SLIT1: variants seen among roughly 807,000 people sequenced by gnomAD.
The protein encoded by SLIT1 is slit homolog 1 protein.
SLIT1 carries 66 observed loss-of-function variants against 186.1 expected under a neutral mutation model. The ratio of observed to expected loss-of-function variants is 0.35; its 90% CI spans 0.29 to 0.44. SLIT1 has a LOEUF of 0.44. Ranked by LOEUF, SLIT1 falls within the 20% of genes least tolerant of loss-of-function variation. The probability of loss-of-function intolerance (pLI) is 1.00; values close to 1 mark genes in which losing one functional copy is unlikely to be tolerated. For missense variants in SLIT1, 1,638 were observed against 2,037.4 expected (o/e 0.80, Z 3.77); for synonymous variants, 761 against 833.8 (o/e 0.91, Z 1.50).
intron 4 of SLIT1, among the ~76,000 whole-genome samples, chr10:97,141,433 T>C (rs2134703482): frequency 6.6e-6 from 1 of 152,320 alleles, no homozygotes; most frequent in African/African-American, 2.4e-5. Context: ...GGTTTCCAGA[T>C]GGCTCCCAGT....
At chr10:97,096,735 C>T (rs1849295159) in intron 4 of SLIT1, among the ~76,000 whole-genome samples, 1 of 152,080 alleles carries the variant, frequency 6.6e-6, no homozygotes, top group Non-Finnish European at 1.5e-5. Flanking sequence ...CCAGAAAAAC[C>T]CAGGGGCCAG....
intron 23 of SLIT1, among the ~76,000 whole-genome samples, chr10:97,034,096 C>T (rs1589369168): frequency 6.6e-6 from 1 of 152,086 alleles, no homozygotes; most frequent in East Asian, 1.9e-4. Context: ...AATTCCTGAC[C>T]TCAAGTGATT....
chr10:97,086,081 T>C lies in SLIT1; in HGVS notation c.414-19995A>G, dbSNP rs116540881. On this transcript the variant is annotated intron_variant, in intron 4 of 36. Coordinates refer to ENST00000266058, the MANE Select transcript of SLIT1 (RefSeq NM_003061.3). ...CAACACTAAGCATACTCTCACCATA[T>C]GATCCAGTGATCATGCTCCTTGGCG... is the stretch of plus-strand genomic sequence containing the variant. Among the ~76,000 whole-genome samples, 412 of 152,378 alleles carry C rather than the reference T, an allele frequency of 2.7e-3. 3 individuals carry two copies. The highest frequency in any genetic ancestry group is 9.4e-3 in the African/African-American group (391 of 41,588).
In SLIT1 at chr10:97,064,829, C is replaced by T. The variant is rs754904853; in HGVS notation, c.533G>A (p.Arg178His). The T allele has an allele frequency of 1.1e-5, 17 of 1,612,076 alleles. No homozygotes were observed. The highest frequency in any genetic ancestry group is 6.7e-5 in the East Asian group (3 of 44,676). The change falls in exon 6 of 37, where the codon CGT becomes CAT. Residue 178 changes from arginine (R) to histidine (H), a missense_variant. Arg to His is a conservative substitution (Grantham distance 29). Coordinates refer to ENST00000266058, the MANE Select transcript of SLIT1 (RefSeq NM_003061.3). ...QISCIEEGAF[R>H]ALRGLEVLTL... ...CAGCACCTCCAGCCCCCGCAGAGCA[C>T]GGAAGGCCCCTTCCTCAATGCAGCT...
At chr10:97,134,586 G>A (rs563167721) in intron 4 of SLIT1, among the ~76,000 whole-genome samples, 5 of 152,220 alleles carry the variant, frequency 3.3e-5, no homozygotes, top group East Asian at 1.9e-4. Flanking sequence ...TGCTGTGAGC[G>A]CCTCTTCATA....
At chr10:97,106,399 T>TGAATGAAC (rs1413022643) in intron 4 of SLIT1, among the ~76,000 whole-genome samples, 3 of 129,856 alleles carry the variant, frequency 2.3e-5, no homozygotes, top group Non-Finnish European at 5.0e-5. Flanking sequence ...AATGAATGAA[T>TGAATGAAC]GAATGAACGA....
chr10:97,064,043 C>G, intron 7 of SLIT1, 125 bp downstream of exon 7: 1 of 800,388 alleles, frequency 1.2e-6, no homozygotes, highest in Non-Finnish European at 2.1e-6. Flanking sequence ...CTGGGCTGGC[C>G]TCTGGGGGTC....
Position 97,002,330 on chromosome 10 carries a change from G to A in SLIT1, c.4194C>T (p.Ser1398=). ...ACCCATCCTGGCACTGGCAGCTGTA[G>A]GAAAGAGCGTCGAGGGGCACGCATT... The part of the protein sequence containing the change: ...HGQCVPLDAL[S]YSCQCQDGYS... The change falls in exon 36 of 37, where the codon TCC becomes TCT. Residue 1398 remains serine, a synonymous_variant. Coordinates refer to ENST00000266058, the MANE Select transcript of SLIT1 (RefSeq NM_003061.3). The A allele has an allele frequency of 6.2e-7, 1 of 1,611,216 alleles. No individual in the cohort carries two copies.
chr10:97,076,001 C>A (rs1414904612), intron 4 of SLIT1, among the ~76,000 whole-genome samples: 4 of 152,140 alleles, frequency 2.6e-5, no homozygotes, highest in Non-Finnish European at 5.9e-5. Context: ...GAGGGAAGAG[C>A]AGCTACCAAC....
chr10:97,049,266 GGGGTGAACCCCCAGGGTGCAGCCCA>G (rs1848766556), intron 13 of SLIT1, 148 bp from the exon 14 acceptor site: 1 of 915,508 alleles, frequency 1.1e-6, no homozygotes, highest in Admixed American at 2.7e-5. Context: ...AAGAGAGAGT[GGGGTGAACCCCCAGGGTGCAGCCCA>G]CCACCTCTGG....
At chr10:97,179,893 A>G (rs1003240689) in intron 1 of SLIT1, among the ~76,000 whole-genome samples, 7 of 151,344 alleles carry the variant, frequency 4.6e-5, no homozygotes, top group African/African-American at 1.7e-4. Flanking sequence ...GGCGATAATT[A>G]CAGGATTTGG....
At chr10:97,025,802 G>T (rs187096942) in intron 25 of SLIT1, among the ~76,000 whole-genome samples, 1 of 152,188 alleles carries the variant, frequency 6.6e-6, no homozygotes, top group African/African-American at 2.4e-5. Flanking sequence ...TCCTATTTGC[G>T]TAACCTGGAC....
chr10:97,033,887 CAG>C (rs1197378528), intron 23 of SLIT1, among the ~76,000 whole-genome samples: 2 of 131,428 alleles, frequency 1.5e-5, no homozygotes, highest in African/African-American at 6.0e-5. Context: ...TTTTCTGAGA[CAG>C]AGTCTCGCTC....
intron 1 of SLIT1, among the ~76,000 whole-genome samples, chr10:97,183,220 C>G (rs946969967): frequency 1.3e-5 from 2 of 152,184 alleles, no homozygotes; most frequent in East Asian, 3.9e-4. Context: ...TGAGAGCTCA[C>G]CATTAGAGGT....
chr10:97,058,590 C>G (rs1015691493), intron 11 of SLIT1, among the ~76,000 whole-genome samples: 5 of 152,188 alleles, frequency 3.3e-5, no homozygotes, highest in African/African-American at 1.2e-4. Flanking sequence ...ATTGGCCCCA[C>G]CCTCTACTTG....
At chr10:97,115,949 G>T (rs568829689) in intron 4 of SLIT1, among the ~76,000 whole-genome samples, 1 of 152,318 alleles carries the variant, frequency 6.6e-6, no homozygotes, top group South Asian at 2.1e-4. Context: ...TCCTTGATGG[G>T]CAGAGTATGA....
chr10:97,074,727 G>A (rs777078492), intron 4 of SLIT1, among the ~76,000 whole-genome samples: 10 of 152,022 alleles, frequency 6.6e-5, no homozygotes, highest in South Asian at 2.1e-4. Context: ...TCGGCCGCCC[G>A]CCCCTGAAGA....
intron 4 of SLIT1, among the ~76,000 whole-genome samples, chr10:97,141,483 A>G (rs921810658): frequency 6.6e-6 from 1 of 152,092 alleles, no homozygotes. Context: ...AGACCTCCAC[A>G]CAAGCACACG....
rs1416239645 is a variant in SLIT1 at position 97,004,988 on chromosome 10, C to T, written c.3580-165G>A. 1.3e-5 allele frequency among the ~76,000 whole-genome samples: 2 copies of T among 152,164 alleles called. No homozygotes were observed. Among genetic ancestry groups the T allele is most frequent in the Non-Finnish European group, 2.9e-5 (2 of 68,026 alleles). On this transcript the variant is annotated intron_variant, in intron 32 of 36. Transcript: ENST00000266058. This position sits in a 1 kb window ranked among gnomAD's most constrained non-coding sequence, Gnocchi z 5.1. Reference sequence around the variant, plus strand: ...CCAAGGCCATTCCTCCAGGGGGCACCAATAGGGGCTGCAGCCTCTGGTTCA... The same window carrying T: ...CCAAGGCCATTCCTCCAGGGGGCACTAATAGGGGCTGCAGCCTCTGGTTCA...
Sources: gnomAD v4.1 joint callset for allele counts (sites outside exome capture counted in the v4.1 genomes callset) on GRCh38, gnomAD v4.1.1 for gene constraint, Gnocchi (gnomAD v3.1) non-coding constraint, MANE v1.5 for transcripts, NCBI Gene and HGNC (gene_info 2026-07-23, HGNC 2026-07-21) for gene names.